Variants in ARMH1 observed in about 807,000 individuals in gnomAD.
The protein encoded by ARMH1 is armadillo like helical domain containing 1, also known as armadillo-like helical domain containing protein 1.
ARMH1 carries 34 observed loss-of-function variants against 50.2 expected under a neutral mutation model. The ratio of observed to expected loss-of-function variants is 0.68; its 90% CI spans 0.51 to 0.90. ARMH1 has a LOEUF of 0.90. Ranked by LOEUF, ARMH1 falls within the 40% of genes least tolerant of loss-of-function variation. ARMH1 has a pLI of 0.00. For synonymous variants in ARMH1, 221 were observed against 224.2 expected, an observed-to-expected ratio of 0.99 and a Z score of 0.13; for missense variants, 538 against 553.9, an observed-to-expected ratio of 0.97 and a Z score of 0.29.
intron 6 of ARMH1, among the ~76,000 whole-genome samples, chr1:44,708,004 C>T (rs1237585663): frequency 1.3e-5 from 2 of 152,098 alleles, no homozygotes; most frequent in African/African-American, 4.8e-5. Context: ...TTTTTTTAAC[C>T]AGGCGCTTCA....
intron 3 of ARMH1, among the ~76,000 whole-genome samples, chr1:44,697,375 C>G (rs982186523): frequency 6.6e-6 from 1 of 152,090 alleles, no homozygotes; most frequent in Non-Finnish European, 1.5e-5. Flanking sequence ...CTTCACTAGT[C>G]AGCACCCTCT....
At chr1:44,684,328 A>G (rs1002926136) in intron 1 of ARMH1, 22 of 152,296 alleles carry the variant, frequency 1.4e-4, no homozygotes, top group African/African-American at 5.1e-4. Context: ...ATAATACATG[A>G]CTGGAGGCTC....
chr1:44,701,279 G>A (rs1646070239), intron 5 of ARMH1, among the ~76,000 whole-genome samples, 160 bp downstream of exon 5: 1 of 152,218 alleles, frequency 6.6e-6, no homozygotes, highest in Non-Finnish European at 1.5e-5. Flanking sequence ...CCAAGGTAGG[G>A]CAGAGAGTTC....
intron 2 of ARMH1, chr1:44,692,915 A>T (rs950486292): frequency 6.6e-6 from 1 of 151,872 alleles, no homozygotes; most frequent in Admixed American, 6.6e-5. Flanking sequence ...TTCTGTTTTT[A>T]AAATTTTTTT....
intron 5 of ARMH1, 83 bp from the exon 6 acceptor site, chr1:44,704,006 G>C: frequency 1.8e-6 from 2 of 1,138,806 alleles, no homozygotes; most frequent in Non-Finnish European, 2.6e-6. Context: ...GATTACAGGC[G>C]TGAGCCACCG....
chr1:44,675,155 A>G lies in ARMH1; in HGVS notation c.-23+282A>G, dbSNP rs1477711474. Among the ~76,000 whole-genome samples the G allele has an allele frequency of 2.0e-5, 3 of 152,158 alleles. No homozygotes were observed. In the East Asian group the frequency reaches 5.8e-4, roughly 29 times the overall value. On this transcript the variant is annotated intron_variant, in intron 1 of 11. Transcript: ENST00000535358. ...GGCTAAATAAGGTTCCTTAGGCCCT[A>G]GTGAGAATCAAGCTTTTGGCCCTCC...
chr1:44,725,523 A>G lies in ARMH1; in HGVS notation c.*120A>G, dbSNP rs958000610. On this transcript the variant is annotated 3_prime_UTR_variant, in exon 12 of 12. Coordinates refer to ENST00000535358, the MANE Select transcript of ARMH1 (RefSeq NM_001145636.2). ...TGGCTCCAGGGGGGAGACGGGGATT[A>G]GGCATCCCAGAGGGGCAGAGGAAGA... 3.1e-5 allele frequency: 30 copies of G among 972,728 alleles called. No individual in the cohort carries two copies. The highest frequency in any genetic ancestry group is 4.5e-5 in the Non-Finnish European group (29 of 638,370). The allele number at this position is 972,728 out of a possible 1,614,324, so 60.3% of individuals were successfully genotyped here.
At chr1:44,721,562 G>C (rs1350026607) in intron 6 of ARMH1, among the ~76,000 whole-genome samples, 3 of 151,906 alleles carry the variant, frequency 2.0e-5, no homozygotes, top group Non-Finnish European at 4.4e-5. Flanking sequence ...TTTACAAGAA[G>C]CTAAAAAAAC....
Position 44,689,781 on chromosome 1 carries a change from G to A in ARMH1, c.84G>A (p.Arg28=). ...QEWDNAGKVA[R]SHILDKFIET... ...GGGACAACGCTGGCAAAGTCGCAAG[G>A]AGTCACATCCTCGACAAGTTCATTG... Residue 28 remains arginine, a synonymous_variant, in exon 2 of 12, where the codon AGG becomes AGA. Transcript: ENST00000535358. The A allele has an allele frequency of 1.3e-6, 2 of 1,551,940 alleles. No individual in the cohort carries two copies. Among genetic ancestry groups the A allele is most frequent in the South Asian group, 1.2e-5 (1 of 84,060 alleles).
At chr1:44,708,613 A>G (rs1418754925) in intron 6 of ARMH1, among the ~76,000 whole-genome samples, 1 of 152,134 alleles carries the variant, frequency 6.6e-6, no homozygotes, top group Non-Finnish European at 1.5e-5. Context: ...AGCTACAGGG[A>G]AAGTGGCATC....
intron 6 of ARMH1, among the ~76,000 whole-genome samples, chr1:44,718,044 T>G (rs1228214514): frequency 6.6e-6 from 1 of 152,254 alleles, no homozygotes; most frequent in African/African-American, 2.4e-5. Flanking sequence ...AGCAAAAGAT[T>G]AAGCATTTAG....
chr1:44,724,615 A>G lies in ARMH1; in HGVS notation c.997A>G (p.Met333Val). 2 of 1,514,886 alleles carry G rather than the reference A, an allele frequency of 1.3e-6. No individual in the cohort carries two copies. The highest frequency in any genetic ancestry group is 1.8e-6 in the Non-Finnish European group (2 of 1,134,620). 93.8% of individuals were successfully genotyped at this position (1,514,886 alleles called of 1,614,324 possible). A position where few individuals can be genotyped will look rare whatever the true frequency, so the allele number is the denominator to read the frequency against. Residue 333 changes from methionine to valine, a missense_variant, in exon 9 of 12, where the codon ATG (methionine) becomes GTG (valine). Transcript: ENST00000535358. This position sits in a 1 kb window ranked among gnomAD's most constrained non-coding sequence, Gnocchi z 6.4. ...CGTGGTGCGTGGCCTAATGGCCGCC[A>G]TGGGCAACACGGACCACAGCAACAG... The part of the protein sequence containing the change: ...LRVVRGLMAA[M>V]GNTDHSNSQR...
In ARMH1 at chr1:44,684,523, T is replaced by C. The variant is rs1041988825; in HGVS notation, c.-22-5153T>C. The C allele has an allele frequency of 9.8e-5, 15 of 152,348 alleles. No individual in the cohort carries two copies. In the East Asian group the frequency reaches 2.9e-3, roughly 29 times the overall value. 9.4% of individuals were successfully genotyped at this position (152,348 alleles called of 1,614,324 possible). A position where few individuals can be genotyped will look rare whatever the true frequency, so the allele number is the denominator to read the frequency against. On this transcript the variant is annotated intron_variant, in intron 1 of 11. Transcript: ENST00000535358. ...GGCAGGTGCAGGGAGGCTAACCGGC[T>C]TGAAGCAGAGGAAATTGCAAGCAAC...
At chr1:44,719,337 C>A (rs1262372879) in intron 6 of ARMH1, among the ~76,000 whole-genome samples, 1 of 152,200 alleles carries the variant, frequency 6.6e-6, no homozygotes, top group African/African-American at 2.4e-5. Flanking sequence ...GGATCTGGCA[C>A]AAGGGCAATT....
intron 4 of ARMH1, 66 bp from the exon 5 acceptor site, chr1:44,700,857 T>C (rs1222855517): frequency 1.7e-5 from 23 of 1,370,530 alleles, no homozygotes; most frequent in Non-Finnish European, 2.2e-5. Context: ...TCATATTATA[T>C]AATCTTGAGT....
chr1:44,698,725 A>G (rs1645915980), intron 4 of ARMH1, among the ~76,000 whole-genome samples: 2 of 151,924 alleles, frequency 1.3e-5, no homozygotes, highest in Admixed American at 1.3e-4. Flanking sequence ...AGGCAGGAGA[A>G]TCGCTTGAAC....
intron 6 of ARMH1, among the ~76,000 whole-genome samples, chr1:44,719,025 G>GGAAA (rs1553149910): frequency 1.3e-5 from 1 of 78,636 alleles, no homozygotes; most frequent in Admixed American, 1.5e-4. Flanking sequence ...AACTGTCTCG[G>GGAAA]AAAAAAAAAA....
rs1489909684 is a variant in ARMH1, at chr1:44,724,880, C to A, written c.1128+41C>A. 1.3e-6 allele frequency: 2 copies of A among 1,531,052 alleles called. No homozygotes were observed. Among genetic ancestry groups the A allele is most frequent in the East Asian group, 2.4e-5 (1 of 40,872 alleles). The allele number at this position is 1,531,052 out of a possible 1,614,324, so 94.8% of individuals were successfully genotyped here. A position where few individuals can be genotyped will look rare whatever the true frequency, so the allele number is the denominator to read the frequency against. On this transcript the variant is annotated intron_variant, in intron 10 of 11. Coordinates refer to ENST00000535358, the MANE Select transcript of ARMH1 (RefSeq NM_001145636.2). This position sits in a 1 kb window ranked among gnomAD's most constrained non-coding sequence, Gnocchi z 6.4. ...CTGCCCCGCCGCAATGAGCAGATGG[C>A]GGCTCGGACAGTGTGATGCCCCTTC... is the stretch of plus-strand genomic sequence containing the variant.
chr1:44,693,265 C>G (rs1645718039), intron 2 of ARMH1, among the ~76,000 whole-genome samples: 1 of 152,312 alleles, frequency 6.6e-6, no homozygotes, highest in Non-Finnish European at 1.5e-5. Context: ...ACTCATGACA[C>G]TAGCCTCACC....
Sources: gnomAD v4.1 joint callset for allele counts (sites outside exome capture counted in the v4.1 genomes callset) on GRCh38, gnomAD v4.1.1 for gene constraint, Gnocchi (gnomAD v3.1) non-coding constraint, MANE v1.5 for transcripts, NCBI Gene and HGNC (gene_info 2026-07-23, HGNC 2026-07-21) for gene names.